The following KALRN variants were observed in gnomAD, a reference collection of about 807,000 sequenced individuals.
KALRN encodes kalirin.
Under a neutral mutation model 353.7 loss-of-function variants are expected in KALRN, and 70 were observed. The observed-to-expected ratio is 0.20, with a 90% CI of 0.16 to 0.24. KALRN has a LOEUF of 0.24. KALRN is among the 10% of genes least tolerant of loss of function. KALRN has a pLI of 1.00. For missense variants in KALRN, 2,791 were observed against 3,756.7 expected (o/e 0.74, Z 6.72); for synonymous variants, 1,391 against 1,434.8 (o/e 0.97, Z 0.69).
At chr3:124,473,723 C>T (rs1282697515) in intron 25 of KALRN, among the ~76,000 whole-genome samples, 3 of 152,104 alleles carry the variant, frequency 2.0e-5, no homozygotes, top group Admixed American at 2.0e-4. Context: ...GTATATACAT[C>T]ATTTTATATG....
At chr3:124,035,934 A>AG (rs1289279023) in intron 1 of KALRN, among the ~76,000 whole-genome samples, 1 of 152,208 alleles carries the variant, frequency 6.6e-6, no homozygotes, top group Admixed American at 6.5e-5. Context: ...ATGTTGCAAG[A>AG]GGGGGTAGGT....
intron 1 of KALRN, among the ~76,000 whole-genome samples, chr3:124,056,560 G>T (rs958485598): frequency 2.6e-5 from 4 of 152,164 alleles, no homozygotes; most frequent in Non-Finnish European, 4.4e-5. Context: ...AGTCTATGGG[G>T]TCTCTGATAA....
intron 53 of KALRN, 77 bp from the exon 54 acceptor site, chr3:124,696,057 C>T: frequency 6.6e-7 from 1 of 1,522,446 alleles, no homozygotes; most frequent in Non-Finnish European, 9.0e-7. Flanking sequence ...ACACCATGGG[C>T]CAACCCTATG....
chr3:124,392,536 C>CT (rs997681932), intron 11 of KALRN, among the ~76,000 whole-genome samples: 61 of 130,948 alleles, frequency 4.7e-4, no homozygotes, highest in Middle Eastern at 7.9e-3. Context: ...GGATTTGAAA[C>CT]TTTTTTTTTT....
At chr3:124,411,884 C>G (rs1359269412) in intron 13 of KALRN, among the ~76,000 whole-genome samples, 1 of 152,090 alleles carries the variant, frequency 6.6e-6, no homozygotes, top group Admixed American at 6.5e-5. Context: ...CCAGATCCCC[C>G]AAGGATGCCC....
chr3:124,120,322 C>T (rs985804228), intron 1 of KALRN, among the ~76,000 whole-genome samples: 2 of 152,186 alleles, frequency 1.3e-5, no homozygotes, highest in Non-Finnish European at 1.5e-5. Context: ...AGCCTTGCTG[C>T]TCTAATTCCA....
intron 1 of KALRN, among the ~76,000 whole-genome samples, chr3:124,052,839 T>C (rs996140798): frequency 2.0e-5 from 3 of 152,054 alleles, no homozygotes; most frequent in African/African-American, 7.2e-5. Context: ...TAGGAGATGA[T>C]TGAATGGCAT....
chr3:124,405,794 C>T (rs1264454992), intron 13 of KALRN, among the ~76,000 whole-genome samples: 3 of 152,058 alleles, frequency 2.0e-5, no homozygotes, highest in African/African-American at 7.2e-5. Flanking sequence ...CAGGTGCCCA[C>T]CACCACACCC....
At chr3:124,678,444 TTA>T in intron 50 of KALRN, 131 bp downstream of exon 50, 2 of 969,488 alleles carry the variant, frequency 2.1e-6, no homozygotes, top group South Asian at 3.5e-5. Flanking sequence ...GGGAAGTAGT[TTA>T]GCAGGATTTT....
chr3:124,155,722 A>C lies in KALRN; in HGVS notation c.74-72268A>C, dbSNP rs552209026. Among the ~76,000 whole-genome samples the C allele has an allele frequency of 9.8e-5, 15 of 152,328 alleles. No individual in the cohort carries two copies. In the South Asian group the frequency reaches 2.9e-3, roughly 29 times the overall value. ...TTAAATTCAGTTTTTCACAAGATTC[A>C]ACTGAAAATGATTATTACTTTGTCT... On this transcript the variant is annotated intron_variant, in intron 1 of 59. Transcript: ENST00000682506.
chr3:124,050,374 G>A lies in KALRN; in HGVS notation c.73+16561G>A, dbSNP rs188102731. 5.8e-3 allele frequency among the ~76,000 whole-genome samples: 880 copies of A among 152,308 alleles called. 4 individuals are homozygous for A. The highest frequency in any genetic ancestry group is 0.013 in the South Asian group (65 of 4,832). The stretch of plus-strand genomic sequence containing the variant: ...GCTCAGCACCAAGTGTGAGAAGACA[G>A]AACCTCTGCACTTGGCTCCCTAACT... On this transcript the variant is annotated intron_variant, in intron 1 of 59. Coordinates refer to ENST00000682506, the MANE Select transcript of KALRN (RefSeq NM_001388419.1).
chr3:124,080,308 C>G (rs1235080409), intron 1 of KALRN, among the ~76,000 whole-genome samples: 1 of 152,146 alleles, frequency 6.6e-6, no homozygotes. Context: ...AGCTTAATGA[C>G]ACAAGTTTAA....
At chr3:124,242,767 A>T (rs1190882462) in intron 3 of KALRN, among the ~76,000 whole-genome samples, 1 of 152,138 alleles carries the variant, frequency 6.6e-6, no homozygotes, top group Non-Finnish European at 1.5e-5. Context: ...GTGGCTGTGG[A>T]TATGCAGGAC....
chr3:124,623,384 A>G (rs60311547), intron 34 of KALRN, among the ~76,000 whole-genome samples: 11 of 121,882 alleles, frequency 9.0e-5, no homozygotes, highest in Admixed American at 1.7e-4. Context: ...ATATATATAT[A>G]TATATATTTA....
chr3:124,624,139 G>A (rs1383846003), intron 34 of KALRN, among the ~76,000 whole-genome samples: 1 of 152,224 alleles, frequency 6.6e-6, no homozygotes, highest in Non-Finnish European at 1.5e-5. Context: ...TGCCCAGGAT[G>A]TGAATCTGAA....
intron 13 of KALRN, among the ~76,000 whole-genome samples, chr3:124,411,022 G>A (rs374632929): frequency 6.6e-6 from 1 of 152,242 alleles, no homozygotes; most frequent in East Asian, 1.9e-4. Context: ...GCTGTAGCAA[G>A]GAATGAACTA....
intron 10 of KALRN, among the ~76,000 whole-genome samples, chr3:124,370,290 G>A (rs937092777): frequency 1.3e-5 from 2 of 151,820 alleles, no homozygotes; most frequent in African/African-American, 4.8e-5. Flanking sequence ...CTGTAACGTG[G>A]ATATCTAATG....
chr3:124,281,980 G>T (rs1282720353), intron 5 of KALRN, among the ~76,000 whole-genome samples: 2 of 152,214 alleles, frequency 1.3e-5, no homozygotes, highest in African/African-American at 2.4e-5. Flanking sequence ...GAAAACTGGG[G>T]TGTTAGCAAG....
At chr3:124,247,456 T>TAATTGCCAGTA in intron 3 of KALRN, among the ~76,000 whole-genome samples, 1 of 17,656 alleles carries the variant, frequency 5.7e-5, no homozygotes, top group East Asian at 2.8e-3. Context: ...CCTGCTATGT[T>TAATTGCCAGTA]GAAACTGGGA....
Sources: allele counts gnomAD v4.1 joint callset (sites outside exome capture counted in the v4.1 genomes callset), GRCh38; gene constraint gnomAD v4.1.1; transcripts MANE v1.5; gene names NCBI Gene and HGNC (gene_info 2026-07-23, HGNC 2026-07-21).